CPNE4: variants seen among roughly 807,000 people sequenced by gnomAD.
The protein encoded by CPNE4 is copine-4.
CPNE4 carries 25 observed loss-of-function variants against 67.9 expected under a neutral mutation model. The observed-to-expected ratio is 0.37, with a 90% CI of 0.27 to 0.51. The LOEUF is 0.51. Ranked by LOEUF, CPNE4 falls within the 20% of genes least tolerant of loss-of-function variation. CPNE4 has a pLI of 0.93. For synonymous variants in CPNE4, 242 were observed against 244.9 expected, an observed-to-expected ratio of 0.99 and a Z score of 0.11; for missense variants, 464 against 690.8, an observed-to-expected ratio of 0.67 and a Z score of 3.68.
intron 1 of CPNE4, among the ~76,000 whole-genome samples, chr3:132,009,305 C>G (rs1367256632): frequency 2.0e-5 from 3 of 152,190 alleles, no homozygotes; most frequent in Admixed American, 1.3e-4. Context: ...AACCTCTGCT[C>G]CTGGGGGAGG....
chr3:131,984,154 T>C (rs72994819), intron 1 of CPNE4, among the ~76,000 whole-genome samples: 3 of 151,992 alleles, frequency 2.0e-5, no homozygotes, highest in South Asian at 2.1e-4. Flanking sequence ...TTGAGACTTG[T>C]AGATTTTTAC....
intron 2 of CPNE4, among the ~76,000 whole-genome samples, chr3:131,865,234 G>A (rs1053811417): frequency 1.3e-5 from 2 of 152,146 alleles, no homozygotes; most frequent in African/African-American, 4.8e-5. Context: ...ATGAGTTAAG[G>A]AGGATTCCCT....
intron 1 of CPNE4, among the ~76,000 whole-genome samples, 179 bp from the exon 2 acceptor site, chr3:131,905,623 C>T (rs1201355492): frequency 6.6e-6 from 1 of 152,052 alleles, no homozygotes; most frequent in African/African-American, 2.4e-5. Flanking sequence ...TCAAAGGAAA[C>T]AAACAAACAA....
intron 11 of CPNE4, among the ~76,000 whole-genome samples, chr3:131,563,189 C>T (rs1354712525): frequency 6.6e-6 from 1 of 151,964 alleles, no homozygotes; most frequent in African/African-American, 2.4e-5. Flanking sequence ...CTAGAAAGAA[C>T]AGAAATCATG....
chr3:131,912,998 G>A (rs1051655128), intron 1 of CPNE4, among the ~76,000 whole-genome samples: 15 of 152,128 alleles, frequency 9.9e-5, no homozygotes, highest in Admixed American at 4.6e-4. Flanking sequence ...ACAGACACTC[G>A]TATATGAGAT....
At chr3:131,545,533 T>C in intron 14 of CPNE4, among the ~76,000 whole-genome samples, 1 of 152,344 alleles carries the variant, frequency 6.6e-6, no homozygotes, top group Middle Eastern at 3.4e-3. Flanking sequence ...AAAACACATA[T>C]TTTCCTGTTA....
intron 7 of CPNE4, among the ~76,000 whole-genome samples, 171 bp from the exon 8 acceptor site, chr3:131,587,753 T>C (rs893258747): frequency 1.3e-5 from 2 of 152,224 alleles, no homozygotes; most frequent in South Asian, 4.1e-4. Context: ...CTATAGCCCT[T>C]TACTTGGACT....
At chr3:131,936,241 G>A (rs1445839310) in intron 1 of CPNE4, among the ~76,000 whole-genome samples, 1 of 151,898 alleles carries the variant, frequency 6.6e-6, no homozygotes, top group Non-Finnish European at 1.5e-5. Context: ...GCAAGCAGAA[G>A]CTGTCCTGGG....
At chr3:132,003,161 T>C (rs923365568) in intron 1 of CPNE4, among the ~76,000 whole-genome samples, 2 of 152,280 alleles carry the variant, frequency 1.3e-5, no homozygotes, top group East Asian at 1.9e-4. Context: ...TAAGCTGATA[T>C]GGCTTGCGTA....
chr3:131,593,935 G>A (rs1348611718), intron 7 of CPNE4, among the ~76,000 whole-genome samples: 1 of 152,022 alleles, frequency 6.6e-6, no homozygotes, highest in East Asian at 1.9e-4. Flanking sequence ...GGCCAGGATG[G>A]TCTCAATCTC....
intron 2 of CPNE4, among the ~76,000 whole-genome samples, chr3:131,789,574 C>T (rs1207196834): frequency 6.6e-6 from 1 of 152,082 alleles, no homozygotes; most frequent in Non-Finnish European, 1.5e-5. Flanking sequence ...GAGGATTATG[C>T]AGGTTAGTGA....
intron 2 of CPNE4, among the ~76,000 whole-genome samples, chr3:131,901,865 C>G (rs888244592): frequency 1.3e-5 from 2 of 152,006 alleles, no homozygotes; most frequent in African/African-American, 4.8e-5. Flanking sequence ...TAAATACTCC[C>G]TGACTTGCAA....
At chr3:132,013,373 C>T (rs2073818116) in intron 1 of CPNE4, among the ~76,000 whole-genome samples, 1 of 152,132 alleles carries the variant, frequency 6.6e-6, no homozygotes, top group African/African-American at 2.4e-5. Context: ...TCTCAGAGGG[C>T]TAGGGTCTGG....
chr3:131,848,743 G>A (rs1317839993), intron 2 of CPNE4, among the ~76,000 whole-genome samples: 1 of 151,038 alleles, frequency 6.6e-6, no homozygotes, highest in Admixed American at 6.6e-5. Context: ...CTTGAGAAAT[G>A]CAAAATTCTT....
chr3:131,814,811 A>C (rs1439257331), intron 2 of CPNE4, among the ~76,000 whole-genome samples: 1 of 148,120 alleles, frequency 6.8e-6, no homozygotes, highest in East Asian at 1.9e-4. Context: ...TCACCGTTAT[A>C]GCCGGGATGG....
chr3:131,613,908 C>T (rs1483545783), intron 7 of CPNE4, among the ~76,000 whole-genome samples: 1 of 151,582 alleles, frequency 6.6e-6, no homozygotes, highest in African/African-American at 2.4e-5. Flanking sequence ...ATCATTCCAA[C>T]CAAAAAAAGG....
At chr3:131,831,199 T>A (rs1442402968) in intron 2 of CPNE4, among the ~76,000 whole-genome samples, 1 of 152,102 alleles carries the variant, frequency 6.6e-6, no homozygotes, top group Non-Finnish European at 1.5e-5. Flanking sequence ...ATCAATATTT[T>A]AAAAATTCAG....
At position 131,883,940 on chromosome 3, in the gene CPNE4, G is replaced by A. The variant is rs2087779440; in HGVS notation, c.180+21324C>T. On this transcript the variant is annotated intron_variant, in intron 2 of 15. Coordinates refer to ENST00000429747, the MANE Select transcript of CPNE4 (RefSeq NM_130808.3). The stretch of plus-strand genomic sequence containing the variant: ...TGTCCTTATATACAAATGGCTCACT[G>A]CTTACTCATTCAGATTTCTGTGCAG... Among the ~76,000 whole-genome samples, 3 of 152,128 alleles carry A rather than the reference G, an allele frequency of 2.0e-5. No individual in the cohort carries two copies. The South Asian group carries it at 6.2e-4, about 32-fold the overall frequency.
chr3:131,543,144 G>T (rs1391507395), intron 14 of CPNE4: 1 of 198,790 alleles, frequency 5.0e-6, no homozygotes, highest in African/African-American at 2.3e-5. Flanking sequence ...TTTCTCAAAT[G>T]AGGGGTGGGA....
Sources: gnomAD v4.1 joint callset for allele counts (sites outside exome capture counted in the v4.1 genomes callset) on GRCh38, gnomAD v4.1.1 for gene constraint, MANE v1.5 for transcripts, NCBI Gene and HGNC (gene_info 2026-07-23, HGNC 2026-07-21) for gene names.